The following ST6GAL1 variants were observed in gnomAD, a reference collection of about 807,000 sequenced individuals.
ST6GAL1 encodes ST6 beta-galactoside alpha-2,6-sialyltransferase 1, also known as beta-galactoside alpha-2,6-sialyltransferase 1.
A neutral mutation model predicts 38.0 loss-of-function variants in ST6GAL1; 20 were observed. The observed-to-expected ratio is 0.53, with a 90% confidence interval of 0.37 to 0.77. ST6GAL1 has a LOEUF of 0.77. Ranked by LOEUF, ST6GAL1 falls within the 30% of genes least tolerant of loss-of-function variation. The pLI is 0.00. For synonymous variants in ST6GAL1, 196 were observed against 188.2 expected (o/e 1.04, Z -0.34); for missense variants, 432 against 496.4 (o/e 0.87, Z 1.23).
intron 2 of ST6GAL1, among the ~76,000 whole-genome samples, chr3:186,984,827 C>CCTTCCTT: frequency 3.6e-5 from 2 of 56,330 alleles, no homozygotes; most frequent in Admixed American, 2.1e-4. Context: ...TTCCTTCCTT[C>CCTTCCTT]CCTCCCTCCC....
intron 2 of ST6GAL1, among the ~76,000 whole-genome samples, chr3:187,013,927 T>C (rs1018583775): frequency 1.3e-5 from 2 of 152,202 alleles, no homozygotes; most frequent in African/African-American, 2.4e-5. Context: ...GGTCTCGTGT[T>C]TAGCCAAAGA....
At chr3:187,030,519 C>T (rs144173459) in intron 2 of ST6GAL1, among the ~76,000 whole-genome samples, 13 of 152,256 alleles carry the variant, frequency 8.5e-5, no homozygotes, top group African/African-American at 2.6e-4. Context: ...CTTCAACCTC[C>T]GCCTCCCGGA....
intron 2 of ST6GAL1, among the ~76,000 whole-genome samples, chr3:187,037,787 A>G (rs1420924761): frequency 6.6e-6 from 1 of 152,172 alleles, no homozygotes; most frequent in African/African-American, 2.4e-5. Flanking sequence ...ACATTTTTTC[A>G]AAGTCAAAGA....
At chr3:186,956,528 A>G (rs905415957) in intron 1 of ST6GAL1, among the ~76,000 whole-genome samples, 1 of 152,214 alleles carries the variant, frequency 6.6e-6, no homozygotes, top group African/African-American at 2.4e-5. Context: ...GAAAGTCCAC[A>G]TGCTCACCAG....
chr3:187,075,110 A>C lies in ST6GAL1; in HGVS notation c.980-452A>C, dbSNP rs1326939049. Among the ~76,000 whole-genome samples, 1 of 152,188 alleles carries C rather than the reference A, an allele frequency of 6.6e-6. No homozygotes were observed. Among genetic ancestry groups the C allele is most frequent in the Non-Finnish European group, 1.5e-5 (1 of 68,026 alleles). ...AACACTGTTTCATGCAAATGCTATA[A>C]GGAAAAATCTGCTCCCAAATAGCAC... is the stretch of plus-strand genomic sequence containing the variant. On this transcript the variant is annotated intron_variant, in intron 7 of 7. Coordinates refer to ENST00000169298, the MANE Select transcript of ST6GAL1 (RefSeq NM_173216.2). The surrounding 1 kb of genome is among the most constrained non-coding windows in gnomAD (Gnocchi z 4.1).
At chr3:187,042,212 T>A (rs1174978460) in intron 3 of ST6GAL1, among the ~76,000 whole-genome samples, 2 of 152,128 alleles carry the variant, frequency 1.3e-5, no homozygotes, top group Non-Finnish European at 2.9e-5. Flanking sequence ...TGCTTTTTTT[T>A]ATTCTATTTT....
intron 2 of ST6GAL1, among the ~76,000 whole-genome samples, chr3:187,004,700 A>G (rs1217123814): frequency 1.3e-5 from 2 of 152,240 alleles, no homozygotes; most frequent in African/African-American, 2.4e-5. Context: ...TTGTACAGTC[A>G]TATGTGACAT....
chr3:187,067,706 T>G (rs1719216995), intron 5 of ST6GAL1, among the ~76,000 whole-genome samples: 3 of 152,154 alleles, frequency 2.0e-5, no homozygotes, highest in Admixed American at 2.0e-4. Flanking sequence ...TGTGCTTGCT[T>G]ATTTGAATGT....
At chr3:186,987,194 GGGAGGGAA>G (rs1189156546) in intron 2 of ST6GAL1, among the ~76,000 whole-genome samples, 2 of 133,050 alleles carry the variant, frequency 1.5e-5, no homozygotes, top group Non-Finnish European at 1.6e-5. Flanking sequence ...GAGGGAGGGA[GGGAGGGAA>G]GGAAAGAAAA....
intron 2 of ST6GAL1, among the ~76,000 whole-genome samples, chr3:186,966,338 A>G (rs1715115204): frequency 6.6e-6 from 1 of 152,260 alleles, no homozygotes; most frequent in Admixed American, 6.5e-5. Flanking sequence ...TAATTCTGCA[A>G]TGAGCTAACA....
chr3:186,932,029 T>A (rs1713775009), intron 1 of ST6GAL1, among the ~76,000 whole-genome samples: 1 of 152,220 alleles, frequency 6.6e-6, no homozygotes, highest in Non-Finnish European at 1.5e-5. Context: ...TGGTGCAGGT[T>A]GTGGGCGTGC....
chr3:186,933,099 G>T (rs1444640089), intron 1 of ST6GAL1, among the ~76,000 whole-genome samples: 1 of 152,192 alleles, frequency 6.6e-6, no homozygotes, highest in Non-Finnish European at 1.5e-5. Context: ...GAACTTGTTT[G>T]GCGTGCTTTC....
At chr3:186,972,524 A>G (rs6775110) in intron 2 of ST6GAL1, among the ~76,000 whole-genome samples, 11,571 of 152,032 alleles carry the variant, frequency 0.076, 495 homozygotes, top group East Asian at 0.17. Flanking sequence ...TGTTGGGATT[A>G]CAGGCGTGAG....
At chr3:187,022,957 T>C (rs1049232102) in intron 2 of ST6GAL1, among the ~76,000 whole-genome samples, 1 of 152,212 alleles carries the variant, frequency 6.6e-6, no homozygotes, top group South Asian at 2.1e-4. Context: ...CTTATTGTCA[T>C]AAAGGGTCTG....
intron 2 of ST6GAL1, among the ~76,000 whole-genome samples, chr3:186,970,093 A>T (rs1386843994): frequency 6.6e-6 from 1 of 152,214 alleles, no homozygotes; most frequent in Non-Finnish European, 1.5e-5. Context: ...GTACAATATC[A>T]AAACCAGCCA....
At chr3:187,037,775 G>T (rs865781207) in intron 2 of ST6GAL1, among the ~76,000 whole-genome samples, 3 of 151,924 alleles carry the variant, frequency 2.0e-5, no homozygotes, top group Admixed American at 1.3e-4. Flanking sequence ...TTATACTTTT[G>T]TACATTTTTT....
rs1718839478 is a variant in ST6GAL1, at chr3:187,059,557, C to CA, written c.705+8211_705+8212insA. On this transcript the variant is annotated intron_variant, in intron 5 of 7. Coordinates refer to ENST00000169298, the MANE Select transcript of ST6GAL1 (RefSeq NM_173216.2). ...GACTGTGGCAGTCAGTACATAAACT[C>CA]TATAGTTAGCCTGCTTGGGGTTGAA... Among the ~76,000 whole-genome samples, 7 of 152,294 alleles carry CA rather than the reference C, an allele frequency of 4.6e-5. No homozygotes were observed. In the South Asian group the frequency reaches 1.5e-3, roughly 32 times the overall value.
At position 186,965,107 on chromosome 3, in the gene ST6GAL1, C is replaced by T. The variant is rs925991347; in HGVS notation, c.-183+1181C>T. Among the ~76,000 whole-genome samples the T allele has an allele frequency of 9.2e-5, 14 of 152,198 alleles. 1 individual carries two copies. The highest frequency in any genetic ancestry group is 2.7e-4 in the African/African-American group (11 of 41,444). Reference sequence around the variant, plus strand: ...GCTGCATTTCCCCCTTTGGCTCTTGCTCCTTGGGGAGCCTTCGGATTACTG... The same window carrying T: ...GCTGCATTTCCCCCTTTGGCTCTTGTTCCTTGGGGAGCCTTCGGATTACTG... On this transcript the variant is annotated intron_variant, in intron 2 of 7. Coordinates refer to ENST00000169298, the MANE Select transcript of ST6GAL1 (RefSeq NM_173216.2).
chr3:186,966,557 G>A (rs897187754), intron 2 of ST6GAL1, among the ~76,000 whole-genome samples: 11 of 152,324 alleles, frequency 7.2e-5, no homozygotes, highest in South Asian at 6.2e-4. Flanking sequence ...AGTCTCTCCC[G>A]TCGGGGAATA....
Sources: gnomAD v4.1 joint callset for allele counts (sites outside exome capture counted in the v4.1 genomes callset) on GRCh38, gnomAD v4.1.1 for gene constraint, Gnocchi (gnomAD v3.1) non-coding constraint, MANE v1.5 for transcripts, NCBI Gene and HGNC (gene_info 2026-07-23, HGNC 2026-07-21) for gene names.